CCDC183: variants seen among roughly 807,000 people sequenced by gnomAD.
The protein encoded by CCDC183 is coiled-coil domain-containing protein 183.
In CCDC183, 63 loss-of-function variants were observed where a neutral mutation model predicts 65.2. The observed-to-expected ratio is 0.97, with a 90% CI of 0.79 to 1.19. The LOEUF is 1.19. Ranked by LOEUF, CCDC183 falls within the 50% of genes most tolerant of loss-of-function variation. CCDC183 has a pLI of 0.00. For synonymous variants in CCDC183, 323 were observed against 276.5 expected, an observed-to-expected ratio of 1.17 and a Z score of -1.67; for missense variants, 769 against 689.3, an observed-to-expected ratio of 1.12 and a Z score of -1.30.
At chr9:136,802,090 T>C (rs1288857938) in intron 5 of CCDC183, among the ~76,000 whole-genome samples, 1 of 152,210 alleles carries the variant, frequency 6.6e-6, no homozygotes, top group Non-Finnish European at 1.5e-5. Flanking sequence ...ACCTGGCCTA[T>C]ACTTGTAGTT....
chr9:136,799,267 G>A (rs755369569), intron 2 of CCDC183, 44 bp downstream of exon 2: 8 of 1,561,650 alleles, frequency 5.1e-6, no homozygotes, highest in Non-Finnish European at 6.9e-6. Flanking sequence ...GAGCAGGGCA[G>A]GAGCTGAGTA....
In CCDC183 at chr9:136,800,027, A is replaced by T. The variant is rs1430115995; in HGVS notation, c.296A>T (p.Tyr99Phe). The T allele has an allele frequency of 6.3e-7, 1 of 1,590,394 alleles. No homozygotes were observed. The highest frequency in any genetic ancestry group is 1.3e-5 in the African/African-American group (1 of 74,780). The part of the protein sequence containing the change: ...MEVVREKLRK[Y>F]VFDRVNMHNL... ...GTGGTGCGGGAGAAGCTGCGCAAGT[A>T]CGTCTTCGACCGCGTGAACATGCAC... The change falls in exon 4 of 14, where the codon TAC (tyrosine) becomes TTC (phenylalanine). Residue 99 changes from tyrosine (Y) to phenylalanine (F), a missense_variant. Tyr to Phe is a conservative substitution (Grantham distance 22). Transcript: ENST00000338005.
In CCDC183 at chr9:136,806,831, G is replaced by C; in HGVS notation, c.1353G>C (p.Leu451=). 1.2e-6 allele frequency: 2 copies of C among 1,613,650 alleles called. No individual in the cohort carries two copies. Among genetic ancestry groups the C allele is most frequent in the South Asian group, 2.2e-5 (2 of 91,086 alleles). The change falls in exon 12 of 14, where the codon CTG becomes CTC. Residue 451 remains leucine, a synonymous_variant. Coordinates refer to ENST00000338005, the MANE Select transcript of CCDC183 (RefSeq NM_001039374.5). ...ACTGCGAGGGGAAGCTCACGTACCT[G>C]GCTGACAGAGTGCAGATGGTGTCCA... The part of the protein sequence containing the change: ...LAYCEGKLTY[L]ADRVQMVSRT...
Position 136,806,227 on chromosome 9 carries a change from T to TA in CCDC183, c.1099dup (p.Ser367LysfsTer9), listed in dbSNP as rs1205738932. On this transcript the variant is annotated frameshift_variant, in exon 10 of 14. Transcript: ENST00000338005. LOFTEE classifies it high-confidence loss of function. ...CCGTGCTCAAGTTCCGCCAGAAGCC[T>TA]AGCTCCATCAGGTGCCCCGGGCTTC... 1.3e-6 allele frequency: 2 copies of TA among 1,592,384 alleles called. No individual in the cohort carries two copies. Among genetic ancestry groups the TA allele is most frequent in the Non-Finnish European group, 1.7e-6 (2 of 1,169,592 alleles).
chr9:136,804,435 GCTTTACTGCCA>G lies in CCDC183; in HGVS notation c.667-66_667-56del. The G allele has an allele frequency of 6.4e-7, 1 of 1,558,394 alleles. No homozygotes were observed. The highest frequency in any genetic ancestry group is 8.7e-7 in the Non-Finnish European group (1 of 1,153,004). On this transcript the variant is annotated intron_variant, in intron 6 of 13. Transcript: ENST00000338005. This position sits in a 1 kb window ranked among gnomAD's most constrained non-coding sequence, Gnocchi z 4.1. ...GGTGAGCATGGCCAACCGCCCGCTG[GCTTTACTGCCA>G]TTAGGGGCCTTGTTGAGACAGCTCC...
chr9:136,796,730 G>A (rs113698467), intron 1 of CCDC183, among the ~76,000 whole-genome samples: 3,069 of 152,320 alleles, frequency 0.02, 47 homozygotes, highest in Middle Eastern at 0.061. Flanking sequence ...CGTGCAGGAT[G>A]TGCTTTGTTA....
intron 11 of CCDC183, 40 bp downstream of exon 11, chr9:136,806,712 T>C: frequency 4.3e-6 from 7 of 1,613,330 alleles, no homozygotes; most frequent in Non-Finnish European, 5.9e-6. Flanking sequence ...ACCAGGTCCC[T>C]GGGCAGGGCC....
intron 5 of CCDC183, 116 bp from the exon 6 acceptor site, chr9:136,802,548 C>A: frequency 7.0e-7 from 1 of 1,422,930 alleles, no homozygotes. Context: ...GGGGAGGTGG[C>A]TGGGGCCACA....
At chr9:136,801,669 G>A (rs756855927) in intron 5 of CCDC183, among the ~76,000 whole-genome samples, 1 of 152,022 alleles carries the variant, frequency 6.6e-6, no homozygotes, top group Non-Finnish European at 1.5e-5. Context: ...TCGTACCATC[G>A]CACTCCAGCC....
chr9:136,801,874 G>A (rs1046783291), intron 5 of CCDC183, among the ~76,000 whole-genome samples: 2 of 147,376 alleles, frequency 1.4e-5, no homozygotes, highest in East Asian at 2.0e-4. Context: ...TGCAACCTCC[G>A]CCTCCCGGGT....
chr9:136,807,503 G>A (rs1187633831), intron 13 of CCDC183, 69 bp from the exon 14 acceptor site: 5 of 1,470,936 alleles, frequency 3.4e-6, no homozygotes, highest in Admixed American at 2.4e-5. Context: ...GGGCGGGGGC[G>A]AGAGGCGGGT....
At chr9:136,801,298 A>G (rs1267515280) in intron 5 of CCDC183, among the ~76,000 whole-genome samples, 3 of 150,988 alleles carry the variant, frequency 2.0e-5, no homozygotes, top group East Asian at 1.9e-4. Context: ...CTGCCCCTCT[A>G]TGCTTCCTGG....
intron 4 of CCDC183, 99 bp downstream of exon 4, chr9:136,800,268 G>T: frequency 7.0e-7 from 1 of 1,426,932 alleles, no homozygotes. Flanking sequence ...GGTCCCCTGG[G>T]GAGGGCTCAC....
In CCDC183 at chr9:136,807,643, C is replaced by A. The variant is rs201531777; in HGVS notation, c.1558C>A (p.Arg520=). 2.2e-5 allele frequency: 36 copies of A among 1,602,312 alleles called. No homozygotes were observed. The South Asian group carries it at 3.8e-4, about 17-fold the overall frequency. The change falls in exon 14 of 14, where the codon CGG becomes AGG. Residue 520 remains arginine (R), a synonymous_variant. Transcript: ENST00000338005. ...SRAEIKRQAQ[R]LIEGKLKAAK... Reference sequence around the variant, plus strand: ...CGCCGAGATCAAGAGGCAGGCGCAGCGGCTAATCGAGGGGAAGCTCAAGGC... The same window carrying A: ...CGCCGAGATCAAGAGGCAGGCGCAGAGGCTAATCGAGGGGAAGCTCAAGGC...
chr9:136,806,219 C>A lies in CCDC183; in HGVS notation c.1090C>A (p.Gln364Lys). 1 of 1,591,474 alleles carries A rather than the reference C, an allele frequency of 6.3e-7. No individual in the cohort carries two copies. ...ELEEAVLKFRQKPSSISFKSV... is the reference protein window; with the variant it reads ...ELEEAVLKFRKKPSSISFKSV... ...GGAGGAGGCCGTGCTCAAGTTCCGC[C>A]AGAAGCCTAGCTCCATCAGGTGCCC... The change falls in exon 10 of 14, where the codon CAG becomes AAG. Residue 364 changes from glutamine (Q) to lysine (K), a missense_variant. Physicochemically the swap from Gln to Lys is moderately conservative, Grantham distance 53 (BLOSUM62 1). Transcript: ENST00000338005.
intron 4 of CCDC183, 82 bp from the exon 5 acceptor site, chr9:136,800,307 C>G (rs1847718977): frequency 6.8e-7 from 1 of 1,471,366 alleles, no homozygotes; most frequent in South Asian, 1.2e-5. Context: ...AGAGCACGAC[C>G]CTCTCCGGAG....
Position 136,804,668 on chromosome 9 carries a change from T to C in CCDC183, c.792+41T>C, listed in dbSNP as rs1320683504. ...GGGCCTGGCTGGCTGCCCATCCCCA[T>C]GACAGCTGGGTGGACACAGGCTCAG... On this transcript the variant is annotated intron_variant, in intron 7 of 13. Coordinates refer to ENST00000338005, the MANE Select transcript of CCDC183 (RefSeq NM_001039374.5). This position sits in a 1 kb window ranked among gnomAD's most constrained non-coding sequence, Gnocchi z 4.1. The C allele has an allele frequency of 2.5e-6, 4 of 1,612,840 alleles. No individual in the cohort carries two copies. Among genetic ancestry groups the C allele is most frequent in the African/African-American group, 2.7e-5 (2 of 74,830 alleles).
In CCDC183 at chr9:136,799,168, C is replaced by T; in HGVS notation, c.137C>T (p.Ala46Val). Residue 46 changes from alanine (A) to valine (V), a missense_variant, in exon 2 of 14, where the codon GCC (alanine) becomes GTC (valine). Ala to Val is a moderately conservative substitution (Grantham distance 64). Coordinates refer to ENST00000338005, the MANE Select transcript of CCDC183 (RefSeq NM_001039374.5). ...ENMDQNKATL[A>V]LLRSNIRRGA... ...ATGGACCAGAACAAGGCCACGCTGG[C>T]CCTCCTGCGCAGCAACATCCGCCGC... 6.8e-6 allele frequency: 11 copies of T among 1,612,640 alleles called. No individual in the cohort carries two copies. Among genetic ancestry groups the T allele is most frequent in the Non-Finnish European group, 9.3e-6 (11 of 1,179,652 alleles).
In CCDC183 at chr9:136,799,410, G is replaced by C. The variant is rs530960581; in HGVS notation, c.192+187G>C. ...AGTCACCCCAGCATCCGGTGGGCAG[G>C]TTTCCCACCACCCAACCCGAGGGCT... On this transcript the variant is annotated intron_variant, in intron 2 of 13. Coordinates refer to ENST00000338005, the MANE Select transcript of CCDC183 (RefSeq NM_001039374.5). 81 of 1,011,438 alleles carry C rather than the reference G, an allele frequency of 8.0e-5. No individual in the cohort carries two copies. In the East Asian group the frequency reaches 2.1e-3, roughly 26 times the overall value. The allele number at this position is 1,011,438 out of a possible 1,614,324, so 62.7% of individuals were successfully genotyped here.
Sources: allele counts gnomAD v4.1 joint callset (sites outside exome capture counted in the v4.1 genomes callset), GRCh38; gene constraint gnomAD v4.1.1; non-coding constraint Gnocchi (gnomAD v3.1); transcripts MANE v1.5; gene names NCBI Gene and HGNC (gene_info 2026-07-23, HGNC 2026-07-21).